The following CSMD1 variants were observed in gnomAD, a reference collection of about 807,000 sequenced individuals.
CSMD1 encodes CUB and sushi domain-containing protein 1.
A neutral mutation model predicts 417.5 loss-of-function variants in CSMD1; 213 were observed. That is an observed-to-expected ratio of 0.51 (90% CI 0.46 to 0.57). The LOEUF is 0.57. CSMD1 is among the 20% of genes least tolerant of loss of function. The pLI is 0.00. For synonymous variants in CSMD1, 2,862 were observed against 1,736.8 expected, an observed-to-expected ratio of 1.65 and a Z score of -16.11; for missense variants, 6,923 against 4,529.7, an observed-to-expected ratio of 1.53 and a Z score of -15.17.
chr8:3,070,079 T>C (rs1813229135), intron 49 of CSMD1, among the ~76,000 whole-genome samples: 1 of 152,200 alleles, frequency 6.6e-6, no homozygotes, highest in African/African-American at 2.4e-5. Flanking sequence ...GAAAGCAGCA[T>C]CCTGAGGATT....
intron 10 of CSMD1, among the ~76,000 whole-genome samples, chr8:3,497,540 G>C (rs1368253658): frequency 6.6e-6 from 1 of 152,090 alleles, no homozygotes; most frequent in Non-Finnish European, 1.5e-5. Context: ...AGGTATCTGG[G>C]ATTACAGGGT....
intron 2 of CSMD1, among the ~76,000 whole-genome samples, chr8:4,512,440 G>T (rs958259808): frequency 2.6e-5 from 4 of 152,088 alleles, no homozygotes; most frequent in African/African-American, 9.7e-5. Flanking sequence ...AATAAAGCAA[G>T]TAGAGAAAAT....
chr8:4,261,876 A>G (rs551457363), intron 3 of CSMD1, among the ~76,000 whole-genome samples: 1 of 152,356 alleles, frequency 6.6e-6, no homozygotes, highest in South Asian at 2.1e-4. Context: ...ACTAGACAAA[A>G]TGTGTTAAAA....
rs1584930070 is a variant in CSMD1 at position 3,285,125 on chromosome 8, GTTT to G, written c.3951-782_3951-780del. Among the ~76,000 whole-genome samples, 5 of 152,218 alleles carry G rather than the reference GTTT, an allele frequency of 3.3e-5. No individual in the cohort carries two copies. The East Asian group carries it at 5.8e-4, about 18-fold the overall frequency. On this transcript the variant is annotated intron_variant, in intron 25 of 69. Coordinates refer to ENST00000635120, the MANE Select transcript of CSMD1 (RefSeq NM_033225.6). ...CAGCCCTGAATGGGTCTGATTTACA[GTTT>G]TTTATTTCCTGCGTATTGCACACCG...
At chr8:3,929,495 A>G (rs1458753438) in intron 5 of CSMD1, among the ~76,000 whole-genome samples, 6 of 150,458 alleles carry the variant, frequency 4.0e-5, no homozygotes, top group Admixed American at 4.0e-4. Context: ...AGGACTCTGC[A>G]ATCTGCATAT....
At chr8:3,170,889 T>C (rs909121413) in intron 37 of CSMD1, among the ~76,000 whole-genome samples, 1 of 152,040 alleles carries the variant, frequency 6.6e-6, no homozygotes, top group Non-Finnish European at 1.5e-5. Context: ...AAGAAACGAG[T>C]CAACACACTT....
chr8:3,296,636 G>C (rs1488575637), intron 25 of CSMD1, among the ~76,000 whole-genome samples: 1 of 152,158 alleles, frequency 6.6e-6, no homozygotes, highest in Non-Finnish European at 1.5e-5. Context: ...GTGCTGAGAT[G>C]AGCTGAATAT....
chr8:4,070,308 C>A (rs1585248027), intron 3 of CSMD1, among the ~76,000 whole-genome samples: 1 of 152,052 alleles, frequency 6.6e-6, no homozygotes, highest in African/African-American at 2.4e-5. Context: ...AAGTCTCATG[C>A]ACTTTAAAGA....
intron 5 of CSMD1, among the ~76,000 whole-genome samples, chr8:3,874,862 G>T (rs186170603): frequency 6.6e-6 from 1 of 152,046 alleles, no homozygotes; most frequent in Non-Finnish European, 1.5e-5. Flanking sequence ...TTAAGAAAAC[G>T]GCAAAGGGTG....
chr8:4,485,963 T>C (rs904982812), intron 2 of CSMD1, among the ~76,000 whole-genome samples: 2 of 152,006 alleles, frequency 1.3e-5, no homozygotes, highest in Non-Finnish European at 1.5e-5. Flanking sequence ...CACTCTGATA[T>C]TGATACACAC....
At chr8:4,464,726 A>T (rs1225184936) in intron 2 of CSMD1, among the ~76,000 whole-genome samples, 1 of 152,050 alleles carries the variant, frequency 6.6e-6, no homozygotes, top group East Asian at 1.9e-4. Context: ...ATCTACACTG[A>T]TTGGATCATC....
intron 1 of CSMD1, among the ~76,000 whole-genome samples, chr8:4,669,222 TG>T (rs1265477441): frequency 6.6e-6 from 1 of 152,222 alleles, no homozygotes; most frequent in African/African-American, 2.4e-5. Context: ...GTTCCCTTAA[TG>T]GGACAGAGAT....
chr8:4,606,060 A>T (rs1196539536), intron 2 of CSMD1, among the ~76,000 whole-genome samples: 5 of 152,182 alleles, frequency 3.3e-5, no homozygotes, highest in African/African-American at 9.7e-5. Flanking sequence ...TGGAAGCCTG[A>T]GAAGGATGCG....
intron 4 of CSMD1, among the ~76,000 whole-genome samples, chr8:4,017,104 G>A (rs78965404): frequency 0.016 from 2,377 of 152,304 alleles, 69 homozygotes; most frequent in African/African-American, 0.055. Flanking sequence ...GCGGTGTTCA[G>A]CCAGCCTTGC....
chr8:3,205,795 C>G (rs912050276), intron 30 of CSMD1, among the ~76,000 whole-genome samples, 175 bp from the exon 31 acceptor site: 1 of 151,992 alleles, frequency 6.6e-6, no homozygotes, highest in Non-Finnish European at 1.5e-5. Context: ...AAAGATTTAC[C>G]AGGGAAGAAG....
In CSMD1 at chr8:3,389,351, A is replaced by G. The variant is rs552607818; in HGVS notation, c.2594-1669T>C. Among the ~76,000 whole-genome samples, 52 of 152,206 alleles carry G rather than the reference A, an allele frequency of 3.4e-4. No individual in the cohort carries two copies. In the South Asian group the frequency reaches 9.1e-3, roughly 27 times the overall value. ...TTTCATCATTTAGCTCCCACTTATA[A>G]GTGAGAACATGCGGCGTTTGGTTGC... On this transcript the variant is annotated intron_variant, in intron 17 of 69. Transcript: ENST00000635120.
At chr8:3,991,102 C>A (rs1277483010) in intron 5 of CSMD1, among the ~76,000 whole-genome samples, 2 of 152,202 alleles carry the variant, frequency 1.3e-5, no homozygotes, top group Non-Finnish European at 1.5e-5. Context: ...TCATCCCTGG[C>A]CACGAGCCGA....
intron 8 of CSMD1, among the ~76,000 whole-genome samples, chr8:3,586,836 G>A (rs887815956): frequency 1.3e-5 from 2 of 152,286 alleles, no homozygotes; most frequent in Non-Finnish European, 2.9e-5. Flanking sequence ...GTCTCACACT[G>A]TCACCCAGGC....
At chr8:3,629,156 G>A (rs901705985) in intron 7 of CSMD1, among the ~76,000 whole-genome samples, 9 of 152,094 alleles carry the variant, frequency 5.9e-5, no homozygotes, top group South Asian at 2.1e-4. Flanking sequence ...AAGAACCCGG[G>A]ATGTTCGCAG....
Sources: allele counts gnomAD v4.1 joint callset (sites outside exome capture counted in the v4.1 genomes callset), GRCh38; gene constraint gnomAD v4.1.1; transcripts MANE v1.5; gene names NCBI Gene and HGNC (gene_info 2026-07-23, HGNC 2026-07-21).